Variants in ELF2 observed in about 807,000 individuals in gnomAD.
The protein encoded by ELF2 is ETS-related transcription factor Elf-2.
Under a neutral mutation model 54.8 loss-of-function variants are expected in ELF2, and 11 were observed. The ratio of observed to expected loss-of-function variants is 0.20; its 90% CI spans 0.13 to 0.33. ELF2 has a LOEUF of 0.33. Ranked by LOEUF, ELF2 falls within the 10% of genes least tolerant of loss-of-function variation. The pLI is 1.00. For missense variants in ELF2, 513 were observed against 703.0 expected (o/e 0.73, Z 3.06); for synonymous variants, 203 against 245.1 (o/e 0.83, Z 1.61).
At chr4:139,141,698 A>C (rs1738716090) in intron 1 of ELF2, among the ~76,000 whole-genome samples, 1 of 152,214 alleles carries the variant, frequency 6.6e-6, no homozygotes, top group African/African-American at 2.4e-5. Flanking sequence ...CCTTTAAAGC[A>C]CAGGTCTTTT....
chr4:139,093,750 A>G (rs1270199592), intron 4 of ELF2, among the ~76,000 whole-genome samples: 1 of 152,222 alleles, frequency 6.6e-6, no homozygotes, highest in East Asian at 1.9e-4. Context: ...CGTGGTATAC[A>G]TTATATACTA....
intron 4 of ELF2, among the ~76,000 whole-genome samples, chr4:139,122,472 A>T (rs1042809931): frequency 2.7e-5 from 4 of 147,024 alleles, no homozygotes; most frequent in Non-Finnish European, 4.5e-5. Flanking sequence ...ACTCATTTAA[A>T]AATGCATTTG....
At chr4:139,094,886 T>C (rs1364719674) in intron 4 of ELF2, among the ~76,000 whole-genome samples, 1 of 152,170 alleles carries the variant, frequency 6.6e-6, no homozygotes, top group African/African-American at 2.4e-5. Context: ...TTGTTTTTGT[T>C]TTTTTACTAT....
chr4:139,129,861 G>C (rs1056430373), intron 3 of ELF2, among the ~76,000 whole-genome samples: 1 of 152,054 alleles, frequency 6.6e-6, no homozygotes, highest in Non-Finnish European at 1.5e-5. Flanking sequence ...TGGTCTAAAA[G>C]GAAAGTTTAA....
chr4:139,165,235 T>C (rs1741603936), intron 1 of ELF2, among the ~76,000 whole-genome samples: 1 of 152,236 alleles, frequency 6.6e-6, no homozygotes, highest in Admixed American at 6.5e-5. Flanking sequence ...CTTTCTGTAT[T>C]GCTTTTGAAA....
At chr4:139,063,542 A>G (rs540047153) in intron 7 of ELF2, among the ~76,000 whole-genome samples, 5 of 152,334 alleles carry the variant, frequency 3.3e-5, no homozygotes, top group South Asian at 2.1e-4. Flanking sequence ...GCAGAATAAA[A>G]TGCTTATTCA....
At chr4:139,114,561 T>TCCAGTCTCACACACA (rs70940492) in intron 4 of ELF2, among the ~76,000 whole-genome samples, 8,065 of 108,492 alleles carry the variant, frequency 0.074, 401 homozygotes, top group African/African-American at 0.12. Context: ...GACTTCAGTC[T>TCCAGTCTCACACACA]CACACACACA....
intron 4 of ELF2, among the ~76,000 whole-genome samples, chr4:139,085,615 T>C (rs1018201136): frequency 1.3e-5 from 2 of 152,220 alleles, no homozygotes; most frequent in African/African-American, 2.4e-5. Context: ...CCTTTTACCC[T>C]ACCCCTATCA....
intron 4 of ELF2, among the ~76,000 whole-genome samples, chr4:139,112,492 T>C (rs1023367474): frequency 6.6e-6 from 1 of 152,220 alleles, no homozygotes; most frequent in East Asian, 1.9e-4. Context: ...CACTGACAGA[T>C]GGCTGAATGG....
intron 4 of ELF2, among the ~76,000 whole-genome samples, chr4:139,089,137 T>G (rs1456933803): frequency 6.6e-6 from 1 of 152,172 alleles, no homozygotes; most frequent in African/African-American, 2.4e-5. Flanking sequence ...AATATATAGG[T>G]CCTAATTTCC....
intron 4 of ELF2, among the ~76,000 whole-genome samples, chr4:139,100,876 A>AG (rs1733813630): frequency 6.6e-6 from 1 of 152,154 alleles, no homozygotes; most frequent in African/African-American, 2.4e-5. Flanking sequence ...TAGGAGGAGG[A>AG]GGCAATAATG....
intron 8 of ELF2, among the ~76,000 whole-genome samples, chr4:139,061,383 C>T (rs183291558): frequency 3.3e-5 from 5 of 152,152 alleles, no homozygotes; most frequent in Non-Finnish European, 5.9e-5. Context: ...CCATGTTGGC[C>T]AGGCTGGTCT....
chr4:139,127,659 T>C (rs1203900357), intron 3 of ELF2, among the ~76,000 whole-genome samples: 5 of 152,198 alleles, frequency 3.3e-5, no homozygotes. Flanking sequence ...TCTTTGACCA[T>C]AAAAAAGCTA....
chr4:139,091,898 A>T (rs1732613221), intron 4 of ELF2, among the ~76,000 whole-genome samples: 1 of 150,484 alleles, frequency 6.6e-6, no homozygotes, highest in South Asian at 2.1e-4. Flanking sequence ...TATACATATT[A>T]TTTATATATA....
chr4:139,125,477 T>G (rs1736825444), intron 3 of ELF2, 148 bp from the exon 4 acceptor site: 8 of 824,626 alleles, frequency 9.7e-6, no homozygotes, highest in Admixed American at 7.4e-5. Flanking sequence ...AAACAAGAGA[T>G]GAAAAGGGCT....
At chr4:139,142,931 C>G (rs1472406960) in intron 1 of ELF2, among the ~76,000 whole-genome samples, 1 of 151,460 alleles carries the variant, frequency 6.6e-6, no homozygotes, top group Non-Finnish European at 1.5e-5. Context: ...CATTTGCAAG[C>G]AAAATTGATG....
chr4:139,116,363 CAA>C (rs200960725), intron 4 of ELF2, among the ~76,000 whole-genome samples: 5 of 130,286 alleles, frequency 3.8e-5, no homozygotes, highest in African/African-American at 1.1e-4. Context: ...ACAGAAATGA[CAA>C]AAAAAAAAAA....
chr4:139,092,718 G>A (rs1024768683), intron 4 of ELF2, among the ~76,000 whole-genome samples: 5 of 151,768 alleles, frequency 3.3e-5, no homozygotes, highest in African/African-American at 7.3e-5. Flanking sequence ...GAAGAATGGC[G>A]TGAACCTGGG....
upstream of ELF2, among the ~76,000 whole-genome samples, chr4:139,177,648 G>C (rs971929099): frequency 3.3e-5 from 5 of 152,042 alleles, no homozygotes; most frequent in Admixed American, 1.3e-4. Flanking sequence ...GCCGCACGGG[G>C]CAGGCGTGTG....
Sources: allele counts gnomAD v4.1 joint callset (sites outside exome capture counted in the v4.1 genomes callset), GRCh38; gene constraint gnomAD v4.1.1; transcripts MANE v1.5; gene names NCBI Gene and HGNC (gene_info 2026-07-23, HGNC 2026-07-21).